Variants in ARHGEF10L observed in about 807,000 individuals in gnomAD.
ARHGEF10L encodes Rho guanine nucleotide exchange factor 10 like, also known as rho guanine nucleotide exchange factor 10-like protein.
Under a neutral mutation model 141.2 loss-of-function variants are expected in ARHGEF10L, and 69 were observed. The observed-to-expected ratio is 0.49, with a 90% CI of 0.40 to 0.60. The LOEUF is 0.60. ARHGEF10L is among the 20% of genes least tolerant of loss of function. The pLI, the probability that ARHGEF10L is intolerant of heterozygous loss-of-function variation, is 0.00. For missense variants in ARHGEF10L, 1,482 were observed against 1,734.3 expected, an observed-to-expected ratio of 0.85 and a Z score of 2.58; for synonymous variants, 711 against 718.5, an observed-to-expected ratio of 0.99 and a Z score of 0.17.
rs1382940085 is a variant in ARHGEF10L, at chr1:17,625,920, G to A, written c.1318-36G>A. On this transcript the variant is annotated intron_variant, in intron 13 of 28. Coordinates refer to ENST00000361221, the MANE Select transcript of ARHGEF10L (RefSeq NM_018125.4). The surrounding 1 kb of genome is among the most constrained non-coding windows in gnomAD (Gnocchi z 4.5). ...TCTGGGGCACTGGGCCCTCTCTGCA[G>A]GGGGTCAGCGAATGACGGAACCTTG... is the stretch of plus-strand genomic sequence containing the variant. 1.9e-6 allele frequency: 3 copies of A among 1,597,062 alleles called. No homozygotes were observed. Among genetic ancestry groups the A allele is most frequent in the Non-Finnish European group, 2.6e-6 (3 of 1,165,386 alleles).
At chr1:17,529,824 C>CTT in the ARHGEF10L span, among the ~76,000 whole-genome samples, 401 of 67,158 alleles carry the variant, frequency 6.0e-3, 1 homozygote, top group Middle Eastern at 0.011. Context: ...ACACATCAGT[C>CTT]TTTTTTTTTT....
At chr1:17,567,430 G>A (rs772593151) in intron 1 of ARHGEF10L, among the ~76,000 whole-genome samples, 3 of 152,112 alleles carry the variant, frequency 2.0e-5, no homozygotes, top group East Asian at 3.9e-4. Flanking sequence ...ACAATGGCGC[G>A]ATCTCGGCTC....
chr1:17,676,041 C>A (rs111203801), intron 26 of ARHGEF10L, among the ~76,000 whole-genome samples: 1,901 of 134,868 alleles, frequency 0.014, 42 homozygotes, highest in Admixed American at 0.067. Context: ...GGTATGGATG[C>A]AGGTGTAGGT....
At chr1:17,528,899 G>A in the ARHGEF10L span, among the ~76,000 whole-genome samples, 1 of 152,182 alleles carries the variant, frequency 6.6e-6, no homozygotes, top group African/African-American at 2.4e-5. Flanking sequence ...ACGGTAAAGG[G>A]CTGGCTCAGG....
chr1:17,516,786 C>T, the ARHGEF10L span, among the ~76,000 whole-genome samples: 5 of 152,188 alleles, frequency 3.3e-5, no homozygotes, highest in African/African-American at 1.2e-4. Flanking sequence ...GGCCAGGTCC[C>T]CGCCAACGAA....
At chr1:17,594,627 C>T (rs949901715) in intron 4 of ARHGEF10L, among the ~76,000 whole-genome samples, 1 of 152,172 alleles carries the variant, frequency 6.6e-6, no homozygotes, top group African/African-American at 2.4e-5. Context: ...GGATTACAGG[C>T]ACCCGCCACC....
intron 26 of ARHGEF10L, among the ~76,000 whole-genome samples, chr1:17,680,721 A>C: frequency 1.4e-5 from 2 of 141,860 alleles, no homozygotes; most frequent in African/African-American, 2.6e-5. Flanking sequence ...GGCGGGCACA[A>C]CCCCTCCCCT....
At chr1:17,689,305 G>A (rs2064869891) in intron 27 of ARHGEF10L, among the ~76,000 whole-genome samples, 1 of 151,972 alleles carries the variant, frequency 6.6e-6, no homozygotes, top group South Asian at 2.1e-4. Flanking sequence ...CTCAGGGACT[G>A]TTATGAGGAT....
At chr1:17,516,712 G>C in the ARHGEF10L span, among the ~76,000 whole-genome samples, 1 of 152,138 alleles carries the variant, frequency 6.6e-6, no homozygotes, top group Non-Finnish European at 1.5e-5. Flanking sequence ...GGGGTGGGAG[G>C]GGGCAGCATC....
intron 1 of ARHGEF10L, among the ~76,000 whole-genome samples, chr1:17,571,670 A>G (rs1312652037): frequency 1.3e-5 from 2 of 152,018 alleles, no homozygotes; most frequent in African/African-American, 2.4e-5. Context: ...AGTAACTGGG[A>G]TTACAGGTGC....
At chr1:17,557,342 CAAAAAAAAAA>C (rs1003759039) in intron 1 of ARHGEF10L, among the ~76,000 whole-genome samples, 38 of 91,014 alleles carry the variant, frequency 4.2e-4, no homozygotes, top group Middle Eastern at 6.7e-3. Flanking sequence ...GACTCCATCT[CAAAAAAAAAA>C]AAACAAAAAA....
chr1:17,695,034 C>T (rs766948166), intron 27 of ARHGEF10L, 124 bp from the exon 28 acceptor site: 22 of 1,446,364 alleles, frequency 1.5e-5, no homozygotes, highest in Admixed American at 1.5e-4. Context: ...CCCACCCCAC[C>T]GCCCAACTTC....
chr1:17,517,879 C>T, the ARHGEF10L span, among the ~76,000 whole-genome samples: 7 of 152,208 alleles, frequency 4.6e-5, no homozygotes, highest in Non-Finnish European at 1.0e-4. Context: ...CCAGGCTCTT[C>T]TCAAACTCCT....
Position 17,638,626 on chromosome 1 carries a change from A to G in ARHGEF10L, c.2108A>G (p.Glu703Gly). 1 of 1,614,100 alleles carries G rather than the reference A, an allele frequency of 6.2e-7. No homozygotes were observed. The highest frequency in any genetic ancestry group is 8.5e-7 in the Non-Finnish European group (1 of 1,180,024). ...CTGCAGAGGCTGATGCGGGTGAAGG[A>G]GGAAGAGATCCACTCGGCCAACAAG... The part of the protein sequence containing the change: ...LALQRLMRVK[E>G]EEIHSANKCR... Residue 703 changes from glutamate (E) to glycine (G), a missense_variant, in exon 20 of 29, where the codon GAG becomes GGG. Physicochemically the swap from Glu to Gly is moderately conservative, Grantham distance 98. Around this residue, in one of 3 missense-constraint regions of ARHGEF10L, gnomAD observed 858 missense variants for 966.3 expected, o/e 0.89. Coordinates refer to ENST00000361221, the MANE Select transcript of ARHGEF10L (RefSeq NM_018125.4).
At chr1:17,647,077 G>A (rs915366252) in intron 21 of ARHGEF10L, among the ~76,000 whole-genome samples, 7 of 152,040 alleles carry the variant, frequency 4.6e-5, no homozygotes, top group Non-Finnish European at 7.4e-5. Context: ...CCTAGGGGAG[G>A]GGCAGGCTCC....
chr1:17,579,215 T>G (rs946454979), intron 1 of ARHGEF10L, among the ~76,000 whole-genome samples: 3 of 152,180 alleles, frequency 2.0e-5, no homozygotes, highest in African/African-American at 7.2e-5. Context: ...GAGATGGAGT[T>G]TCACCACGTT....
chr1:17,684,313 G>T (rs893040647), intron 26 of ARHGEF10L, among the ~76,000 whole-genome samples: 4 of 152,200 alleles, frequency 2.6e-5, no homozygotes, highest in East Asian at 1.9e-4. Context: ...AACATACATC[G>T]CAGGAAGAGA....
chr1:17,593,829 AT>A (rs1310064903), intron 4 of ARHGEF10L, among the ~76,000 whole-genome samples: 2 of 151,890 alleles, frequency 1.3e-5, no homozygotes, highest in African/African-American at 4.8e-5. Flanking sequence ...AGAGGAAATT[AT>A]CGTGGGCACC....
At chr1:17,662,465 G>A (rs139586198) in intron 25 of ARHGEF10L, among the ~76,000 whole-genome samples, 69 of 152,330 alleles carry the variant, frequency 4.5e-4, no homozygotes, top group Non-Finnish European at 8.1e-4. Flanking sequence ...GGACTGCCCT[G>A]CTCTGCCTGC....
Sources: gnomAD v4.1 joint callset for allele counts (sites outside exome capture counted in the v4.1 genomes callset) on GRCh38, gnomAD v4.1.1 for gene constraint, gnomAD v4.1.1 regional missense constraint, Gnocchi (gnomAD v3.1) non-coding constraint, MANE v1.5 for transcripts, NCBI Gene and HGNC (gene_info 2026-07-23, HGNC 2026-07-21) for gene names.